Variants in LRP1 observed in about 807,000 individuals in gnomAD.
The protein encoded by LRP1 is prolow-density lipoprotein receptor-related protein 1.
A neutral mutation model predicts 541.5 loss-of-function variants in LRP1; 51 were observed. The observed-to-expected ratio is 0.09, with a 90% CI of 0.08 to 0.12. The LOEUF is 0.12. Among genes scored for constraint, LRP1 ranks in the 10% least tolerant of loss-of-function variants. The pLI is 1.00. For missense variants in LRP1, 3,878 were observed against 6,376.2 expected, an observed-to-expected ratio of 0.61 and a Z score of 13.34; for synonymous variants, 2,219 against 2,470.8, an observed-to-expected ratio of 0.90 and a Z score of 3.02.
At position 57,199,837 on chromosome 12, in the gene LRP1, C is replaced by T. The variant is rs534965157; in HGVS notation, c.9866-40C>T. ...GTGAGTGAGGCAGCCTTTGGTAGGCCAGAAAATGTCACCATATTTCACGAC... is the reference window on the plus strand; with the variant it reads ...GTGAGTGAGGCAGCCTTTGGTAGGCTAGAAAATGTCACCATATTTCACGAC... On this transcript the variant is annotated intron_variant, in intron 61 of 88. Transcript: ENST00000243077. The T allele has an allele frequency of 3.3e-5, 52 of 1,552,664 alleles. No individual in the cohort carries two copies. In the South Asian group the frequency reaches 6.1e-4, roughly 18 times the overall value.
At chr12:57,196,835 T>A in intron 55 of LRP1, 147 bp from the exon 56 acceptor site, 1 of 666,632 alleles carries the variant, frequency 1.5e-6, no homozygotes, top group Non-Finnish European at 2.6e-6. Context: ...AGGCCTGCAC[T>A]GTGGGCCAGC....
chr12:57,192,584 C>G (rs577065284), intron 44 of LRP1, among the ~76,000 whole-genome samples: 2 of 152,308 alleles, frequency 1.3e-5, no homozygotes, highest in African/African-American at 4.8e-5. Context: ...TCGAATCTCT[C>G]AGAAACACTC....
At chr12:57,129,476 G>C (rs1416928387) in intron 1 of LRP1, among the ~76,000 whole-genome samples, 1 of 151,974 alleles carries the variant, frequency 6.6e-6, no homozygotes. Context: ...TCTGTAGCTC[G>C]AAAGGGGAGC....
chr12:57,128,517 G>T lies in LRP1; in HGVS notation c.-448G>T. ...CGGGGAACAGCGGTGCGAGCTCCAG[G>T]CCCATGCACTGAGGAGGCGGAAACA... On this transcript the variant is annotated 5_prime_UTR_variant, in exon 1 of 89. Coordinates refer to ENST00000243077, the MANE Select transcript of LRP1 (RefSeq NM_002332.3). 1 of 322,460 alleles carries T rather than the reference G, an allele frequency of 3.1e-6. No homozygotes were observed. 20.0% of individuals were successfully genotyped at this position (322,460 alleles called of 1,614,324 possible).
chr12:57,146,965 C>T (rs1191150384), intron 6 of LRP1, among the ~76,000 whole-genome samples: 3 of 152,014 alleles, frequency 2.0e-5, no homozygotes. Context: ...ATACAGTGGG[C>T]TTCTGGGTAG....
chr12:57,154,262 A>C lies in LRP1; in HGVS notation c.896A>C (p.Asp299Ala). ...WLTGNFYFVD[D>A]IDDRIFVCNR... ...ACAGGCAACTTCTACTTTGTGGATG[A>C]CATCGATGATAGGATCTTTGTCTGC... The change falls in exon 7 of 89, where the codon GAC becomes GCC. Residue 299 changes from aspartate (D) to alanine (A), a missense_variant. Physicochemically the swap from Asp to Ala is moderately radical, Grantham distance 126. Coordinates refer to ENST00000243077, the MANE Select transcript of LRP1 (RefSeq NM_002332.3). This position sits in a 1 kb window ranked among gnomAD's most constrained non-coding sequence, Gnocchi z 4.6. 6.2e-7 allele frequency: 1 copy of C among 1,614,228 alleles called. No individual in the cohort carries two copies. The highest frequency in any genetic ancestry group is 8.5e-7 in the Non-Finnish European group (1 of 1,180,026).
chr12:57,180,822 G>A lies in LRP1; in HGVS notation c.5527+15G>A, dbSNP rs377327456. 15 of 1,612,650 alleles carry A rather than the reference G, an allele frequency of 9.3e-6. No individual in the cohort carries two copies. The highest frequency in any genetic ancestry group is 1.1e-5 in the Non-Finnish European group (13 of 1,179,908). On this transcript the variant is annotated intron_variant, in intron 33 of 88. Coordinates refer to ENST00000243077, the MANE Select transcript of LRP1 (RefSeq NM_002332.3). ...CATCCAGCTGGGTAGGTGCGAGGCC[G>A]GGCGGCCGCTGGGGGCTCAGGGGCA...
In LRP1 at chr12:57,211,868, C is replaced by T; in HGVS notation, c.13258+54C>T. On this transcript the variant is annotated intron_variant, in intron 86 of 88. Coordinates refer to ENST00000243077, the MANE Select transcript of LRP1 (RefSeq NM_002332.3). This position sits in a 1 kb window ranked among gnomAD's most constrained non-coding sequence, Gnocchi z 4.3. ...GCCACCGGGACCTAGAGCAGGGGGA[C>T]CGTGTGCCTCCTGCTTCCCTGAGCC... is the stretch of plus-strand genomic sequence containing the variant. The T allele has an allele frequency of 1.2e-6, 2 of 1,611,698 alleles. No individual in the cohort carries two copies. Among genetic ancestry groups the T allele is most frequent in the Non-Finnish European group, 1.7e-6 (2 of 1,178,084 alleles).
chr12:57,211,162 C>T lies in LRP1; in HGVS notation c.12917-14C>T. On this transcript the variant is annotated splice_polypyrimidine_tract_variant and intron_variant, in intron 83 of 88. Transcript: ENST00000243077. This position sits in a 1 kb window ranked among gnomAD's most constrained non-coding sequence, Gnocchi z 4.3. Reference sequence around the variant, plus strand: ...GGTGGGGCTTGAGGCACTTCTCTCCCTCCCCAACCACAGGGCAGTGCTCTG... The same window carrying T: ...GGTGGGGCTTGAGGCACTTCTCTCCTTCCCCAACCACAGGGCAGTGCTCTG... 2 of 1,612,578 alleles carry T rather than the reference C, an allele frequency of 1.2e-6. No individual in the cohort carries two copies. The highest frequency in any genetic ancestry group is 8.5e-7 in the Non-Finnish European group (1 of 1,178,832).
rs900863241 is a variant in LRP1, at chr12:57,209,030, CCCGAG to C, written c.12146-50_12146-46del. On this transcript the variant is annotated intron_variant, in intron 78 of 88. Coordinates refer to ENST00000243077, the MANE Select transcript of LRP1 (RefSeq NM_002332.3). ...CGGGCATGGAGGCAGTTCTTTCCAC[CCCGAG>C]CCTGGGTTGGGGAGGCCAAGCTCTC... 7 of 1,467,030 alleles carry C rather than the reference CCCGAG, an allele frequency of 4.8e-6. No individual in the cohort carries two copies. In the African/African-American group the frequency reaches 9.7e-5, roughly 20 times the overall value. 90.9% of individuals were successfully genotyped at this position (1,467,030 alleles called of 1,614,324 possible). A position where few individuals can be genotyped will look rare whatever the true frequency, so the allele number is the denominator to read the frequency against.
chr12:57,177,380 CCT>C lies in LRP1; in HGVS notation c.4197-46_4197-45del. 1.9e-6 allele frequency: 3 copies of C among 1,565,280 alleles called. No homozygotes were observed. The highest frequency in any genetic ancestry group is 2.6e-6 in the Non-Finnish European group (3 of 1,152,582). ...ACCTACGATCCCACCACAGTCGCTC[CCT>C]GAGGGCCCTGACTTTAGCCCTCCTG... On this transcript the variant is annotated intron_variant, in intron 25 of 88. Coordinates refer to ENST00000243077, the MANE Select transcript of LRP1 (RefSeq NM_002332.3). The surrounding 1 kb of genome is among the most constrained non-coding windows in gnomAD (Gnocchi z 6.8).
chr12:57,154,740 T>C lies in LRP1; in HGVS notation c.1227+39T>C. On this transcript the variant is annotated intron_variant, in intron 8 of 88. Transcript: ENST00000243077. This position sits in a 1 kb window ranked among gnomAD's most constrained non-coding sequence, Gnocchi z 4.6. The stretch of plus-strand genomic sequence containing the variant: ...TGTCTGAGGTTTTGTGGGGGAACCA[T>C]GATCCAGGGCCTTCTGGTGAGGGGG... 1 of 1,529,830 alleles carries C rather than the reference T, an allele frequency of 6.5e-7. No homozygotes were observed. Among genetic ancestry groups the C allele is most frequent in the East Asian group, 2.5e-5 (1 of 40,786 alleles). 94.8% of individuals were successfully genotyped at this position (1,529,830 alleles called of 1,614,324 possible).
At chr12:57,209,026 C>T in intron 78 of LRP1, 57 bp from the exon 79 acceptor site, 1 of 1,437,324 alleles carries the variant, frequency 7.0e-7, no homozygotes, top group Non-Finnish European at 9.8e-7. Flanking sequence ...GCAGTTCTTT[C>T]CACCCCGAGC....
intron 12 of LRP1, 103 bp downstream of exon 12, chr12:57,160,108 G>A (rs1372366071): frequency 5.9e-6 from 7 of 1,194,980 alleles, no homozygotes; most frequent in Non-Finnish European, 8.3e-6. Context: ...CAGGTGAGGC[G>A]GGATACTTTA....
intron 43 of LRP1, 38 bp downstream of exon 43, chr12:57,191,047 G>A (rs542475643): frequency 8.3e-6 from 13 of 1,569,960 alleles, no homozygotes; most frequent in Non-Finnish European, 1.1e-5. Context: ...GGGCGGCTGA[G>A]GGGAGGCCAG....
chr12:57,175,740 A>C, intron 23 of LRP1, 35 bp downstream of exon 23: 1 of 1,550,612 alleles, frequency 6.4e-7, no homozygotes, highest in Middle Eastern at 1.7e-4. Flanking sequence ...GGGCAGGCCG[A>C]GGCAGGCCTC....
Position 57,165,880 on chromosome 12 carries a change from A to T in LRP1, c.2606A>T (p.Glu869Val). The stretch of plus-strand genomic sequence containing the variant: ...TGTGCCAACAGCCGCTGCATCCAGG[A>T]GCGCTGGAAGTGTGACGGAGACAAC... The part of the protein sequence containing the change: ...FACANSRCIQ[E>V]RWKCDGDNDC... Residue 869 changes from glutamate (E) to valine (V), a missense_variant, in exon 16 of 89, where the codon GAG (glutamate) becomes GTG (valine). Glu to Val is a moderately radical substitution (Grantham distance 121). This residue lies in a region of LRP1 where 496 missense variants were observed against 861.0 expected (regional missense o/e 0.58). Coordinates refer to ENST00000243077, the MANE Select transcript of LRP1 (RefSeq NM_002332.3). The surrounding 1 kb of genome is among the most constrained non-coding windows in gnomAD (Gnocchi z 4.5). The T allele has an allele frequency of 6.2e-7, 1 of 1,614,136 alleles. No homozygotes were observed. The highest frequency in any genetic ancestry group is 1.6e-4 in the Middle Eastern group (1 of 6,062).
In LRP1 at chr12:57,205,259, G is replaced by A. The variant is rs202038799; in HGVS notation, c.11335+10G>A. 13 of 1,607,010 alleles carry A rather than the reference G, an allele frequency of 8.1e-6. No individual in the cohort carries two copies. Among genetic ancestry groups the A allele is most frequent in the Admixed American group, 1.7e-5 (1 of 59,736 alleles). On this transcript the variant is annotated intron_variant, in intron 73 of 88. Coordinates refer to ENST00000243077, the MANE Select transcript of LRP1 (RefSeq NM_002332.3). The surrounding 1 kb of genome is among the most constrained non-coding windows in gnomAD (Gnocchi z 4.6). ...GAGGACTGCAGCATCGGTGAGGCCC[G>A]GCAGCGGACCGGACGCTGGTGGGGA...
chr12:57,199,597 G>A (rs1322640515), intron 61 of LRP1, among the ~76,000 whole-genome samples, 197 bp downstream of exon 61: 1 of 152,198 alleles, frequency 6.6e-6, no homozygotes, highest in Non-Finnish European at 1.5e-5. Flanking sequence ...GAGTCTGGCA[G>A]CAGCAAGTCC....
Sources: gnomAD v4.1 joint callset for allele counts (sites outside exome capture counted in the v4.1 genomes callset) on GRCh38, gnomAD v4.1.1 for gene constraint, gnomAD v4.1.1 regional missense constraint, Gnocchi (gnomAD v3.1) non-coding constraint, MANE v1.5 for transcripts, NCBI Gene and HGNC (gene_info 2026-07-23, HGNC 2026-07-21) for gene names.